The following NME9 variants were observed in gnomAD, a reference collection of about 807,000 sequenced individuals.
NME9 encodes thioredoxin domain-containing protein 6.
A neutral mutation model predicts 44.4 loss-of-function variants in NME9; 48 were observed. The observed-to-expected ratio is 1.08, with a 90% CI of 0.86 to 1.37. NME9 has a LOEUF of 1.37. Among genes scored for constraint, NME9 ranks in the 40% most tolerant of loss-of-function variants. The probability of loss-of-function intolerance (pLI) is 0.00; values close to 1 mark genes in which losing one functional copy is unlikely to be tolerated. For missense variants in NME9, 325 were observed against 405.2 expected (o/e 0.80, Z 1.70); for synonymous variants, 139 against 147.1 (o/e 0.94, Z 0.40).
chr3:138,270,474 T>A (rs186640260), intron 8 of NME9, among the ~76,000 whole-genome samples: 20 of 152,338 alleles, frequency 1.3e-4, no homozygotes, highest in Admixed American at 9.2e-4. Flanking sequence ...TCTCCTTTGC[T>A]CTTCAGAACA....
At chr3:138,262,286 C>A in exon 9 of NME9, 1 of 435,182 alleles carries the variant, frequency 2.3e-6, no homozygotes, top group Non-Finnish European at 4.1e-6. Context: ...TTGTGCATAT[C>A]AGTAAGAATG....
In NME9 at chr3:138,272,073, G is replaced by T. The variant is rs142030035; in HGVS notation, c.746-9487C>A. ...TTGGGATTAAGCTGGGTTAACCCAT[G>T]ATACAAATTAGAGAAAAAGGAGCAA... On this transcript the variant is annotated intron_variant, in intron 8 of 8. Coordinates refer to the NME9 transcript ENST00000317876. Among the ~76,000 whole-genome samples the T allele has an allele frequency of 7.1e-4, 108 of 152,298 alleles. No homozygotes were observed. In the East Asian group the frequency reaches 0.019, roughly 27 times the overall value.
At chr3:138,271,654 T>C (rs528759521) in intron 8 of NME9, among the ~76,000 whole-genome samples, 2 of 152,346 alleles carry the variant, frequency 1.3e-5, no homozygotes, top group African/African-American at 2.4e-5. Context: ...TCTTGACACA[T>C]AGAGTATTCT....
intron 8 of NME9, among the ~76,000 whole-genome samples, chr3:138,289,631 TG>T (rs2050754700): frequency 6.6e-6 from 1 of 152,130 alleles, no homozygotes. Flanking sequence ...TAGAATCACC[TG>T]GGAATTTTTA....
At chr3:138,263,825 T>C (rs2047990063) in intron 8 of NME9, 5 of 1,613,278 alleles carry the variant, frequency 3.1e-6, no homozygotes, top group Non-Finnish European at 3.4e-6. Context: ...CCGTCAGGTA[T>C]GAGCTTTAAA....
chr3:138,283,838 C>T (rs1312831002), intron 8 of NME9, among the ~76,000 whole-genome samples: 1 of 152,166 alleles, frequency 6.6e-6, no homozygotes. Context: ...GACTAAGTTG[C>T]TTCATACATT....
intron 8 of NME9, chr3:138,288,941 T>C (rs920977369): frequency 6.8e-6 from 6 of 879,004 alleles, no homozygotes; most frequent in African/African-American, 1.7e-5. Flanking sequence ...CTGGCCCTGC[T>C]TCAGACTTTT....
At chr3:138,281,356 G>A (rs996616899) in intron 8 of NME9, among the ~76,000 whole-genome samples, 3 of 150,964 alleles carry the variant, frequency 2.0e-5, no homozygotes, top group African/African-American at 7.3e-5. Context: ...GCAGTGACGC[G>A]ATATCGGCTC....
chr3:138,269,902 A>G (rs577029102), intron 8 of NME9: 105 of 444,578 alleles, frequency 2.4e-4, no homozygotes, highest in Non-Finnish European at 3.7e-4. Flanking sequence ...TTATGGCTAC[A>G]TCACTCCCTG....
chr3:138,299,593 T>G (rs567039118), downstream of NME9, among the ~76,000 whole-genome samples: 2 of 152,234 alleles, frequency 1.3e-5, no homozygotes, highest in Admixed American at 6.5e-5. Context: ...ATGAAACTTG[T>G]GGACTCTTAG....
chr3:138,294,446 C>T (rs545593353), intron 8 of NME9, among the ~76,000 whole-genome samples: 1 of 152,156 alleles, frequency 6.6e-6, no homozygotes, highest in Non-Finnish European at 1.5e-5. Context: ...CTTGTAGAAC[C>T]CTACTTGCTC....
downstream of NME9, chr3:138,300,923 T>C (rs1243415149): frequency 3.4e-6 from 1 of 291,826 alleles, no homozygotes; most frequent in Non-Finnish European, 5.1e-6. Flanking sequence ...TCGGCATCAG[T>C]GTGCCTGGAA....
intron 6 of NME9, among the ~76,000 whole-genome samples, chr3:138,307,399 T>C (rs2052352793): frequency 1.3e-5 from 2 of 152,184 alleles, no homozygotes; most frequent in Admixed American, 1.3e-4. Flanking sequence ...TTATCTACAC[T>C]CTCCACAGAA....
At chr3:138,282,573 G>C (rs2050036721) in intron 8 of NME9, among the ~76,000 whole-genome samples, 1 of 150,420 alleles carries the variant, frequency 6.6e-6, no homozygotes, top group African/African-American at 2.5e-5. Context: ...TTGAACCCAG[G>C]AGGCAGAGGT....
chr3:138,314,082 A>G (rs2052898304), intron 6 of NME9, among the ~76,000 whole-genome samples: 1 of 152,222 alleles, frequency 6.6e-6, no homozygotes, highest in African/African-American at 2.4e-5. Context: ...GCATAAAGAA[A>G]AGATAAATAT....
At chr3:138,285,361 C>G (rs992123933) in intron 8 of NME9, among the ~76,000 whole-genome samples, 4 of 152,146 alleles carry the variant, frequency 2.6e-5, no homozygotes, top group Admixed American at 6.5e-5. Flanking sequence ...GTTCGTATGC[C>G]TTTATGATGG....
At chr3:138,267,199 C>A in intron 8 of NME9, 1 of 1,581,832 alleles carries the variant, frequency 6.3e-7, no homozygotes. Flanking sequence ...TAGCATCTTC[C>A]ATGCTGTGTA....
At chr3:138,279,602 G>A (rs2049672819) in intron 8 of NME9, among the ~76,000 whole-genome samples, 1 of 152,134 alleles carries the variant, frequency 6.6e-6, no homozygotes, top group Admixed American at 6.6e-5. Context: ...GCAAAAATTT[G>A]TGAAGAATTA....
At chr3:138,278,613 G>C (rs1351246107) in intron 8 of NME9, among the ~76,000 whole-genome samples, 1 of 152,116 alleles carries the variant, frequency 6.6e-6, no homozygotes, top group Non-Finnish European at 1.5e-5. Context: ...TGCCACTTGG[G>C]ATTTCGATCG....
Sources: allele counts gnomAD v4.1 joint callset (sites outside exome capture counted in the v4.1 genomes callset), GRCh38; gene constraint gnomAD v4.1.1; transcripts MANE v1.5; gene names NCBI Gene and HGNC (gene_info 2026-07-23, HGNC 2026-07-21).